The following TENM3 variants were observed in gnomAD, a reference collection of about 807,000 sequenced individuals.
TENM3 encodes the protein teneurin transmembrane protein 3.
TENM3 carries 63 observed loss-of-function variants against 255.1 expected under a neutral mutation model. The observed-to-expected ratio is 0.25, with a 90% CI of 0.20 to 0.30. The LOEUF (loss-of-function observed/expected upper bound fraction) is 0.30. Ranked by LOEUF, TENM3 falls within the 10% of genes least tolerant of loss-of-function variation. The pLI is 1.00. For missense variants in TENM3, 2,929 were observed against 3,461.1 expected (o/e 0.85, Z 3.86); for synonymous variants, 1,306 against 1,322.3 (o/e 0.99, Z 0.27).
chr4:181,841,392 C>T, the TENM3 span, among the ~76,000 whole-genome samples: 1 of 152,008 alleles, frequency 6.6e-6, no homozygotes, highest in South Asian at 2.1e-4. Flanking sequence ...TTAAACATGC[C>T]TATTTCTAGG....
At chr4:181,771,913 C>T in the TENM3 span, among the ~76,000 whole-genome samples, 6 of 152,228 alleles carry the variant, frequency 3.9e-5, no homozygotes, top group Admixed American at 2.0e-4. Flanking sequence ...TGCAAAACAT[C>T]TGGGCTGGCT....
At chr4:182,446,090 A>G (rs1025806622) in intron 3 of TENM3, among the ~76,000 whole-genome samples, 9 of 152,242 alleles carry the variant, frequency 5.9e-5, no homozygotes, top group African/African-American at 2.2e-4. Flanking sequence ...TGTGGAAACC[A>G]TCCTTCACTT....
At chr4:182,745,582 G>C (rs776140020) in intron 19 of TENM3, among the ~76,000 whole-genome samples, 2 of 152,140 alleles carry the variant, frequency 1.3e-5, no homozygotes, top group African/African-American at 4.8e-5. Flanking sequence ...AGGGTTATAA[G>C]TGACGTAGTA....
At chr4:182,130,509 A>T in the TENM3 span, among the ~76,000 whole-genome samples, 7 of 152,184 alleles carry the variant, frequency 4.6e-5, no homozygotes, top group Non-Finnish European at 1.0e-4. Context: ...CTTCACATCA[A>T]ACCCCATGTA....
chr4:181,493,296 T>TA, the TENM3 span, among the ~76,000 whole-genome samples: 1,122 of 124,354 alleles, frequency 9.0e-3, 8 homozygotes, highest in Admixed American at 0.014. Context: ...AACCAGTCTC[T>TA]AAAAAAAAAA....
chr4:182,446,505 A>G (rs1029083452), intron 3 of TENM3, among the ~76,000 whole-genome samples: 26 of 152,290 alleles, frequency 1.7e-4, no homozygotes, highest in African/African-American at 5.5e-4. Flanking sequence ...TCATTCTTCC[A>G]TTAGTGTGCT....
At chr4:181,720,564 T>C in the TENM3 span, among the ~76,000 whole-genome samples, 1 of 152,230 alleles carries the variant, frequency 6.6e-6, no homozygotes, top group Admixed American at 6.5e-5. Flanking sequence ...TAAATGATTT[T>C]GTATTGAAAT....
intron 5 of TENM3, among the ~76,000 whole-genome samples, chr4:182,636,734 GA>G (rs1561038661): frequency 2.0e-5 from 3 of 150,502 alleles, no homozygotes; most frequent in Non-Finnish European, 4.4e-5. Flanking sequence ...AAAAAAGAAA[GA>G]AAGAAAAGAA....
At chr4:182,043,889 A>G in the TENM3 span, among the ~76,000 whole-genome samples, 263 of 152,304 alleles carry the variant, frequency 1.7e-3, 1 homozygote, top group Admixed American at 2.9e-3. Flanking sequence ...CCACTATAAT[A>G]AAAACACGCC....
intron 3 of TENM3, among the ~76,000 whole-genome samples, chr4:182,355,633 T>A (rs6819232): frequency 0.69 from 104,459 of 151,960 alleles, 38,075 homozygotes; most frequent in East Asian, 0.92. Flanking sequence ...ATTATAATTA[T>A]CAACATAGGA....
chr4:182,475,321 T>C (rs940886720), intron 3 of TENM3, among the ~76,000 whole-genome samples: 5 of 152,208 alleles, frequency 3.3e-5, no homozygotes, highest in Non-Finnish European at 7.3e-5. Flanking sequence ...TCAGTGATTA[T>C]CAAATTATGT....
At chr4:182,203,147 G>A (rs1754309565) in intron 1 of TENM3, among the ~76,000 whole-genome samples, 1 of 151,896 alleles carries the variant, frequency 6.6e-6, no homozygotes. Flanking sequence ...AACCAGGGAG[G>A]TGGAGGTTGC....
chr4:182,653,922 T>C, intron 6 of TENM3, 29 bp downstream of exon 6: 4 of 1,577,392 alleles, frequency 2.5e-6, no homozygotes, highest in Middle Eastern at 1.7e-4. Flanking sequence ...TATCCTGTGT[T>C]TCTCTTTTAA....
At chr4:182,442,811 CACATATATAT>C (rs1036625235) in intron 3 of TENM3, among the ~76,000 whole-genome samples, 3 of 146,570 alleles carry the variant, frequency 2.0e-5, no homozygotes, top group Non-Finnish European at 4.5e-5. Context: ...TGTGTATATA[CACATATATAT>C]ACATATATAT....
At chr4:182,555,517 A>G (rs1742495587) in intron 3 of TENM3, among the ~76,000 whole-genome samples, 1 of 152,160 alleles carries the variant, frequency 6.6e-6, no homozygotes, top group Non-Finnish European at 1.5e-5. Flanking sequence ...TTGGGACCTA[A>G]AGTACATTTA....
chr4:181,564,643 T>TC, the TENM3 span, among the ~76,000 whole-genome samples: 1 of 151,836 alleles, frequency 6.6e-6, no homozygotes, highest in Admixed American at 6.6e-5. Context: ...TCCTTCCTCC[T>TC]CCCCCATCTG....
the TENM3 span, among the ~76,000 whole-genome samples, chr4:182,125,993 A>G: frequency 6.6e-6 from 1 of 152,188 alleles, no homozygotes; most frequent in African/African-American, 2.4e-5. Flanking sequence ...TTTGCATCCC[A>G]TTCAAAATTC....
chr4:182,473,401 C>T (rs1251490543), intron 3 of TENM3, among the ~76,000 whole-genome samples: 3 of 152,180 alleles, frequency 2.0e-5, no homozygotes, highest in Non-Finnish European at 4.4e-5. Context: ...TGGCCGGGTG[C>T]CGTGGCTCAT....
chr4:182,204,351 C>T (rs1040015716), intron 1 of TENM3, among the ~76,000 whole-genome samples: 2 of 152,054 alleles, frequency 1.3e-5, no homozygotes, highest in Non-Finnish European at 2.9e-5. Flanking sequence ...TGTGGTACAA[C>T]CAGTTGAAAA....
Sources: gnomAD v4.1 joint callset for allele counts (sites outside exome capture counted in the v4.1 genomes callset) on GRCh38, gnomAD v4.1.1 for gene constraint, MANE v1.5 for transcripts, NCBI Gene and HGNC (gene_info 2026-07-23, HGNC 2026-07-21) for gene names.